The following CHD5 variants were observed in gnomAD, a reference collection of about 807,000 sequenced individuals.
CHD5 encodes chromodomain helicase DNA binding protein 5.
A neutral mutation model predicts 230.3 loss-of-function variants in CHD5; 69 were observed. The observed-to-expected ratio is 0.30, with a 90% CI of 0.25 to 0.37. The LOEUF is 0.37. Ranked by LOEUF, CHD5 falls within the 10% of genes least tolerant of loss-of-function variation. The pLI is 1.00. For synonymous variants in CHD5, 1,064 were observed against 1,065.9 expected, an observed-to-expected ratio of 1.00 and a Z score of 0.03; for missense variants, 1,827 against 2,622.8, an observed-to-expected ratio of 0.70 and a Z score of 6.63.
chr1:6,112,076 T>A (rs1218732215), intron 35 of CHD5, 64 bp downstream of exon 35: 2 of 1,571,754 alleles, frequency 1.3e-6, no homozygotes, highest in Non-Finnish European at 1.7e-6. Context: ...TAACCACTGG[T>A]CTAGACTCCT....
chr1:6,152,982 A>G (rs1201940804), intron 5 of CHD5, among the ~76,000 whole-genome samples: 1 of 152,138 alleles, frequency 6.6e-6, no homozygotes, highest in East Asian at 1.9e-4. Context: ...TGCTGGTCCC[A>G]CCCAAGACTG....
chr1:6,127,574 G>T (rs537172263), intron 25 of CHD5, among the ~76,000 whole-genome samples: 4 of 152,202 alleles, frequency 2.6e-5, no homozygotes, highest in African/African-American at 9.7e-5. Flanking sequence ...AGGAAGGGGC[G>T]GGAGGGTGCA....
chr1:6,104,738 C>G lies in CHD5; in HGVS notation c.*736G>C, dbSNP rs1666134049. ...CCTTCAAGATGCGCTGGGCCGGGGA[C>G]AGACACCTGCTGGCAGAGGATCCAC... is the stretch of plus-strand genomic sequence containing the variant. On this transcript the variant is annotated 3_prime_UTR_variant, in exon 42 of 42. Coordinates refer to ENST00000262450, the MANE Select transcript of CHD5 (RefSeq NM_015557.3). 1 of 151,528 alleles carries G rather than the reference C, an allele frequency of 6.6e-6. No homozygotes were observed. The highest frequency in any genetic ancestry group is 1.5e-5 in the Non-Finnish European group (1 of 68,116). The allele number at this position is 151,528 out of a possible 1,614,324, so 9.4% of individuals were successfully genotyped here.
rs538801025 is a variant in CHD5 at position 6,106,409 on chromosome 1, C to A, written c.5843G>T (p.Gly1948Val). Reference sequence around the variant, plus strand: ...CGGGCACCTACCGGTCACATAGGGCCCCAGGGGCATCTGGTTGTAGTTGAC... The same window carrying A: ...CGGGCACCTACCGGTCACATAGGGCACCAGGGGCATCTGGTTGTAGTTGAC... The part of the protein sequence containing the change: ...GIVNYNQMPL[G>V]PYVTDI Residue 1948 changes from glycine to valine, a missense_variant, in exon 40 of 42, where the codon GGG becomes GTG. Gly to Val is a moderately radical substitution (Grantham distance 109). This residue lies in a region of CHD5 where 208 missense variants were observed against 302.0 expected (regional missense o/e 0.69). Transcript: ENST00000262450. 6.3e-7 allele frequency: 1 copy of A among 1,594,462 alleles called. No individual in the cohort carries two copies. The highest frequency in any genetic ancestry group is 1.1e-5 in the South Asian group (1 of 89,250).
intron 2 of CHD5, among the ~76,000 whole-genome samples, chr1:6,160,858 T>C (rs1434837495): frequency 1.3e-5 from 2 of 152,070 alleles, no homozygotes; most frequent in East Asian, 1.9e-4. Flanking sequence ...ACCAGAGAGG[T>C]GCTGCCCCTC....
chr1:6,143,500 T>C lies in CHD5; in HGVS notation c.2043+323A>G, dbSNP rs148836462. Among the ~76,000 whole-genome samples the C allele has an allele frequency of 5.5e-3, 840 of 152,276 alleles. 3 individuals carry two copies. Among genetic ancestry groups the C allele is most frequent in the Non-Finnish European group, 0.01 (686 of 68,022 alleles). On this transcript the variant is annotated intron_variant, in intron 13 of 41. Transcript: ENST00000262450. ...GGCCCCTAGAAGACAGTGTGTCTTC[T>C]GAAACAGCTACCCAGGGCTCACTGG...
chr1:6,165,505 C>A (rs562788108), intron 2 of CHD5, among the ~76,000 whole-genome samples: 20 of 152,258 alleles, frequency 1.3e-4, no homozygotes, highest in Admixed American at 1.2e-3. Context: ...GGTAGGAGTC[C>A]CTGCCATGGA....
At chr1:6,158,446 C>T (rs1667112469) in intron 3 of CHD5, among the ~76,000 whole-genome samples, 2 of 152,192 alleles carry the variant, frequency 1.3e-5, no homozygotes, top group African/African-American at 4.8e-5. Context: ...CCGAATTGCT[C>T]CAAGCAAGAG....
intron 1 of CHD5, among the ~76,000 whole-genome samples, chr1:6,178,773 G>T (rs1387417856): frequency 6.6e-6 from 1 of 152,138 alleles, no homozygotes; most frequent in African/African-American, 2.4e-5. Flanking sequence ...AGGGGGCAGG[G>T]GGTGTGGCCA....
At chr1:6,109,035 G>A (rs1666243008) in intron 38 of CHD5, among the ~76,000 whole-genome samples, 1 of 151,974 alleles carries the variant, frequency 6.6e-6, no homozygotes, top group Admixed American at 6.5e-5. Context: ...CCTGCACCAG[G>A]CCCTCCCAAG....
At chr1:6,161,409 C>G (rs1207566660) in intron 2 of CHD5, among the ~76,000 whole-genome samples, 10 of 152,220 alleles carry the variant, frequency 6.6e-5, no homozygotes, top group Admixed American at 6.5e-5. Context: ...CACTTCCCTC[C>G]TCTCCTGGAA....
At chr1:6,139,228 T>G (rs1557549378) in intron 15 of CHD5, among the ~76,000 whole-genome samples, 2 of 146,206 alleles carry the variant, frequency 1.4e-5, no homozygotes, top group Non-Finnish European at 3.0e-5. Flanking sequence ...CTGTTGTTGT[T>G]TTGTTGTTGT....
At chr1:6,113,045 C>T (rs1666318147) in intron 33 of CHD5, 47 bp from the exon 34 acceptor site, 1 of 1,315,700 alleles carries the variant, frequency 7.6e-7, no homozygotes, top group Admixed American at 1.7e-5. Flanking sequence ...TCCCAGAAAA[C>T]ACAGAGGACT....
At chr1:6,124,795 A>G in intron 29 of CHD5, 134 bp from the exon 30 acceptor site, 1 of 698,724 alleles carries the variant, frequency 1.4e-6, no homozygotes, top group East Asian at 2.7e-5. Context: ...GGCCTGGGCC[A>G]GGCCCGGGAA....
intron 25 of CHD5, among the ~76,000 whole-genome samples, chr1:6,127,781 A>G (rs1394250226): frequency 6.6e-6 from 1 of 152,106 alleles, no homozygotes; most frequent in African/African-American, 2.4e-5. Flanking sequence ...CCCTTCCCTC[A>G]CTGTTGTGTC....
chr1:6,179,481 C>A (rs1214861724), intron 1 of CHD5, among the ~76,000 whole-genome samples: 1 of 152,024 alleles, frequency 6.6e-6, no homozygotes, highest in African/African-American at 2.4e-5. Flanking sequence ...TGGGCCCCAC[C>A]CAGCCCGCCC....
rs566601810 is a variant in CHD5 at position 6,156,593 on chromosome 1, G to A, written c.388-876C>T. On this transcript the variant is annotated intron_variant, in intron 3 of 41. Transcript: ENST00000262450. ...TCCCCAGGATGCCAGGTATAGCTAC[G>A]TCAGCCCTTGTGAAGGACAGGCCAC... Among the ~76,000 whole-genome samples, 5 of 151,508 alleles carry A rather than the reference G, an allele frequency of 3.3e-5. No individual in the cohort carries two copies. The South Asian group carries it at 8.4e-4, about 25-fold the overall frequency.
intron 33 of CHD5, among the ~76,000 whole-genome samples, chr1:6,114,436 C>A (rs1666343169): frequency 6.6e-6 from 1 of 151,956 alleles, no homozygotes; most frequent in South Asian, 2.1e-4. Context: ...GGAAGAAGAA[C>A]CGTCTTGGGC....
At chr1:6,179,396 C>A (rs1667476615) in intron 1 of CHD5, among the ~76,000 whole-genome samples, 1 of 152,102 alleles carries the variant, frequency 6.6e-6, no homozygotes, top group African/African-American at 2.4e-5. Context: ...GCGGAGTCCT[C>A]CTGGGCCGGG....
Sources: allele counts gnomAD v4.1 joint callset (sites outside exome capture counted in the v4.1 genomes callset), GRCh38; gene constraint gnomAD v4.1.1; regional missense constraint gnomAD v4.1.1; transcripts MANE v1.5; gene names NCBI Gene and HGNC (gene_info 2026-07-23, HGNC 2026-07-21).